The following ADAMTSL5 variants were observed in gnomAD, a reference collection of about 807,000 sequenced individuals.
ADAMTSL5 encodes ADAMTS like 5.
ADAMTSL5 carries 53 observed loss-of-function variants against 51.7 expected under a neutral mutation model. The observed-to-expected ratio is 1.03, with a 90% CI of 0.82 to 1.29. ADAMTSL5 has a LOEUF of 1.29. Ranked by LOEUF, ADAMTSL5 falls within the 50% of genes most tolerant of loss-of-function variation. ADAMTSL5 has a pLI of 0.00. For missense variants in ADAMTSL5, 770 were observed against 676.2 expected (o/e 1.14, Z -1.54); for synonymous variants, 285 against 278.7 (o/e 1.02, Z -0.23).
At chr19:1,507,518 T>G in intron 8 of ADAMTSL5, 39 bp downstream of exon 8, 4 of 1,608,516 alleles carry the variant, frequency 2.5e-6, no homozygotes, top group Non-Finnish European at 3.4e-6. Context: ...CGCCCCCGGG[T>G]GCCCAGCCGG....
chr19:1,507,959 C>G (rs767438001), intron 7 of ADAMTSL5, 39 bp downstream of exon 7: 1 of 1,551,854 alleles, frequency 6.4e-7, no homozygotes, highest in Non-Finnish European at 8.7e-7. Context: ...AAAGGGCCCA[C>G]TCTGACGTGT....
intron 7 of ADAMTSL5, 151 bp downstream of exon 7, chr19:1,507,847 G>C (rs1471370738): frequency 1.0e-6 from 1 of 997,006 alleles, no homozygotes; most frequent in Non-Finnish European, 1.5e-6. Context: ...CTGGGGAAGG[G>C]CGGGACAATC....
Position 1,506,049 on chromosome 19 carries a change from C to T in ADAMTSL5, c.1382G>A (p.Arg461His), listed in dbSNP as rs751508126. 3.3e-5 allele frequency: 53 copies of T among 1,587,516 alleles called. No individual in the cohort carries two copies. The Middle Eastern group carries it at 5.6e-4, about 17-fold the overall frequency. Residue 461 changes from arginine to histidine, a missense_variant, in exon 12 of 12, where the codon CGC (arginine) becomes CAC (histidine). Coordinates refer to ENST00000330475, the MANE Select transcript of ADAMTSL5 (RefSeq NM_213604.3). This position sits in a 1 kb window ranked among gnomAD's most constrained non-coding sequence, Gnocchi z 5.6. ...ACAGCGCCGGGCAGTCAGGCGTATGCGGCTGTCCTCCGCAGGGCTCCAGGG... is the reference window on the plus strand; with the variant it reads ...ACAGCGCCGGGCAGTCAGGCGTATGTGGCTGTCCTCCGCAGGGCTCCAGGG... ...ARPWSPAEDS[R>H]IRLTARRCPG
In ADAMTSL5 at chr19:1,506,494, G is replaced by C. The variant is rs1912930398; in HGVS notation, c.1114+96C>G. The C allele has an allele frequency of 6.7e-7, 1 of 1,495,000 alleles. No homozygotes were observed. Among genetic ancestry groups the C allele is most frequent in the East Asian group, 2.4e-5 (1 of 42,550 alleles). 92.6% of individuals were successfully genotyped at this position (1,495,000 alleles called of 1,614,324 possible). Reference sequence around the variant, plus strand: ...AGGGTCAAGAGGCAAATTAGGATCAGAAGAAGGGGTCAAGGGTAAAGTCAG... The same window carrying C: ...AGGGTCAAGAGGCAAATTAGGATCACAAGAAGGGGTCAAGGGTAAAGTCAG... On this transcript the variant is annotated intron_variant, in intron 11 of 11. Coordinates refer to ENST00000330475, the MANE Select transcript of ADAMTSL5 (RefSeq NM_213604.3). The surrounding 1 kb of genome is among the most constrained non-coding windows in gnomAD (Gnocchi z 5.6).
rs1568244828 is a variant in ADAMTSL5, at chr19:1,510,625, CG to C, written c.191+13del. ...GGGGAGGAGGGGCAGGGACCCCCTC[CG>C]GGCCCCGCTCACCGGAGGCAGCGCC... On this transcript the variant is annotated intron_variant, in intron 3 of 11. Transcript: ENST00000330475. 2.0e-6 allele frequency: 3 copies of C among 1,527,388 alleles called. No homozygotes were observed. The highest frequency in any genetic ancestry group is 2.0e-5 in the Admixed American group (1 of 48,802). The allele number at this position is 1,527,388 out of a possible 1,614,324, so 94.6% of individuals were successfully genotyped here. A position where few individuals can be genotyped will look rare whatever the true frequency, so the allele number is the denominator to read the frequency against.
chr19:1,512,743 G>C (rs1801341717), intron 1 of ADAMTSL5, among the ~76,000 whole-genome samples: 1 of 152,082 alleles, frequency 6.6e-6, no homozygotes, highest in Admixed American at 6.5e-5. Context: ...CACCCCCACC[G>C]GACTCTAAGC....
intron 7 of ADAMTSL5, 80 bp downstream of exon 7, chr19:1,507,918 A>T: frequency 6.9e-7 from 1 of 1,449,944 alleles, no homozygotes; most frequent in East Asian, 2.5e-5. Context: ...GCCAATCAGC[A>T]CGGAAATTTG....
Position 1,510,914 on chromosome 19 carries a change from G to A in ADAMTSL5, c.30C>T (p.Pro10=), listed in dbSNP as rs1387984746. 1.4e-6 allele frequency: 2 copies of A among 1,480,052 alleles called. No homozygotes were observed. The highest frequency in any genetic ancestry group is 1.5e-5 in the South Asian group (1 of 67,446). 91.7% of individuals were successfully genotyped at this position (1,480,052 alleles called of 1,614,324 possible). A position where few individuals can be genotyped will look rare whatever the true frequency, so the allele number is the denominator to read the frequency against. Residue 10 remains proline (P), a synonymous_variant, in exon 2 of 12, where the codon CCC becomes CCT. Coordinates refer to ENST00000330475, the MANE Select transcript of ADAMTSL5 (RefSeq NM_213604.3). ...AGAGCAGGAGGTTCTGGAAGAGGTG[G>A]GGCCTGGGGAACAGAGGGGCCGAGT... MDSAPLFPR[P]HLFQNLLLFL...
In ADAMTSL5 at chr19:1,505,697, A is replaced by C; in HGVS notation, c.*318T>G. 6.9e-6 allele frequency: 2 copies of C among 288,304 alleles called. No individual in the cohort carries two copies. The highest frequency in any genetic ancestry group is 1.3e-5 in the Non-Finnish European group (2 of 152,810). The allele number at this position is 288,304 out of a possible 1,614,324, so 17.9% of individuals were successfully genotyped here. ...ATGACAGTGTCTCCAAGCAAGTGTG[A>C]CGCGCGCAAAGAGAAAGAAAGCAGC... On this transcript the variant is annotated 3_prime_UTR_variant, in exon 12 of 12. Transcript: ENST00000330475.
chr19:1,507,827 C>T (rs1913029073), intron 7 of ADAMTSL5, among the ~76,000 whole-genome samples, 171 bp downstream of exon 7: 1 of 151,978 alleles, frequency 6.6e-6, no homozygotes, highest in Non-Finnish European at 1.5e-5. Context: ...GGGTTAAAAC[C>T]CCATCTGTCC....
In ADAMTSL5 at chr19:1,508,537, TCAGC is replaced by T. The variant is rs752726752; in HGVS notation, c.391_394del (p.Ala131ArgfsTer78). The T allele has an allele frequency of 7.6e-6, 12 of 1,580,524 alleles. No homozygotes were observed. Among genetic ancestry groups the T allele is most frequent in the Admixed American group, 1.7e-5 (1 of 57,910 alleles). On this transcript the variant is annotated frameshift_variant, in exon 6 of 12. Transcript: ENST00000330475. LOFTEE classifies it high-confidence loss of function. ...GAAGCTGTGGTAGAAGGCGTGCCCC[TCAGC>T]CAGGCAGTTGAGGTCGCACTGGTTG...
At position 1,507,778 on chromosome 19, in the gene ADAMTSL5, T is replaced by C; in HGVS notation, c.602-135A>G. The C allele has an allele frequency of 3.9e-6, 4 of 1,037,078 alleles. No individual in the cohort carries two copies. In the South Asian group the frequency reaches 5.7e-5, roughly 15 times the overall value. The allele number at this position is 1,037,078 out of a possible 1,614,324, so 64.2% of individuals were successfully genotyped here. ...AACCGGAAAACCCTCCGTAAACGTT[T>C]GGAGTTACAATTACTATTGCTTCAG... On this transcript the variant is annotated intron_variant, in intron 7 of 11. Transcript: ENST00000330475.
Position 1,510,820 on chromosome 19 carries a change from C to A in ADAMTSL5, c.99+25G>T, listed in dbSNP as rs200741521. ...CTGGGTCCCCATTCCCACTCGCCACCCCCTGGGCTCATGCCCCCCCTTACC... is the reference window on the plus strand; with the variant it reads ...CTGGGTCCCCATTCCCACTCGCCACACCCTGGGCTCATGCCCCCCCTTACC... On this transcript the variant is annotated intron_variant, in intron 2 of 11. Transcript: ENST00000330475. The A allele has an allele frequency of 1.4e-4, 214 of 1,518,444 alleles. No individual in the cohort carries two copies. In the Middle Eastern group the frequency reaches 2.1e-3, roughly 15 times the overall value. The allele number at this position is 1,518,444 out of a possible 1,614,324, so 94.1% of individuals were successfully genotyped here.
Position 1,505,852 on chromosome 19 carries a change from T to A in ADAMTSL5, c.*163A>T. 1 of 891,608 alleles carries A rather than the reference T, an allele frequency of 1.1e-6. No individual in the cohort carries two copies. Among genetic ancestry groups the A allele is most frequent in the South Asian group, 2.0e-5 (1 of 50,230 alleles). The allele number at this position is 891,608 out of a possible 1,614,324, so 55.2% of individuals were successfully genotyped here. A position where few individuals can be genotyped will look rare whatever the true frequency, so the allele number is the denominator to read the frequency against. ...GCTTGTGACAGTGGCTTTGACTGCA[T>A]GCAGAGGTGTCTTAAGCGTGTGTGG... On this transcript the variant is annotated 3_prime_UTR_variant, in exon 12 of 12. Coordinates refer to ENST00000330475, the MANE Select transcript of ADAMTSL5 (RefSeq NM_213604.3).
At position 1,507,558 on chromosome 19, in the gene ADAMTSL5, C is replaced by G. The variant is rs200393666; in HGVS notation, c.687G>C (p.Leu229=). ...IRVEHRSRNH[L]ALMGGDGRYV... is the part of the protein sequence containing the mutation. The stretch of plus-strand genomic sequence containing the variant: ...CTCTCGCCTCACATCCTAGGATACC[C>G]AGGTGGTTGCGGCTCCTGTGTTCCA... Residue 229 remains leucine, a splice_region_variant and synonymous_variant, in exon 8 of 12, where the codon CTG becomes CTC. Transcript: ENST00000330475. 7 of 1,613,516 alleles carry G rather than the reference C, an allele frequency of 4.3e-6. No homozygotes were observed. The Admixed American group carries it at 1.2e-4, about 27-fold the overall frequency.
rs1913237971 is a variant in ADAMTSL5 at position 1,510,959 on chromosome 19, GAC to G, written c.-18_-17del. On this transcript the variant is annotated 5_prime_UTR_variant, in exon 2 of 12. Coordinates refer to ENST00000330475, the MANE Select transcript of ADAMTSL5 (RefSeq NM_213604.3). ...CCGAGTCCATAGAGCCACCGCCAGA[GAC>G]ACAGGGTTGTGTCCCGGCTCTGCCC... 7.1e-7 allele frequency: 1 copy of G among 1,410,752 alleles called. No homozygotes were observed. Among genetic ancestry groups the G allele is most frequent in the Non-Finnish European group, 9.2e-7 (1 of 1,082,662 alleles). The allele number at this position is 1,410,752 out of a possible 1,614,324, so 87.4% of individuals were successfully genotyped here.
rs747522837 is a variant in ADAMTSL5 at position 1,508,000 on chromosome 19, G to C, written c.599C>G (p.Ala200Gly). Reference protein sequence around the residue: ...CLFVQRVFRDAGAFAGYWNVT... With the variant: ...CLFVQRVFRDGGAFAGYWNVT... ...GGGAGGGCGGGGCAGGTAGTCACCG[G>C]CGTCACGAAACACGCGCTGCACGAA... Residue 200 changes from alanine (A) to glycine (G), a missense_variant and splice_region_variant, in exon 7 of 12, where the codon GCC becomes GGC. Transcript: ENST00000330475. 1.9e-6 allele frequency: 3 copies of C among 1,592,796 alleles called. No homozygotes were observed. The highest frequency in any genetic ancestry group is 1.7e-6 in the Non-Finnish European group (2 of 1,170,556).
intron 1 of ADAMTSL5, chr19:1,511,492 G>A (rs1913261429): frequency 1.8e-6 from 2 of 1,134,742 alleles, no homozygotes; most frequent in African/African-American, 3.2e-5. Context: ...ATTGATATGT[G>A]TATTGTGCTA....
At chr19:1,507,966 G>C (rs777878955) in intron 7 of ADAMTSL5, 32 bp downstream of exon 7, 28 of 1,558,466 alleles carry the variant, frequency 1.8e-5, no homozygotes, top group Non-Finnish European at 2.4e-5. Context: ...CCACTCTGAC[G>C]TGTGTGCAGG....
Sources: allele counts gnomAD v4.1 joint callset (sites outside exome capture counted in the v4.1 genomes callset), GRCh38; gene constraint gnomAD v4.1.1; non-coding constraint Gnocchi (gnomAD v3.1); transcripts MANE v1.5; gene names NCBI Gene and HGNC (gene_info 2026-07-23, HGNC 2026-07-21).